The following PRH1 variants were observed in gnomAD, a reference collection of about 807,000 sequenced individuals.
PRH1 encodes the protein proline rich protein HaeIII subfamily 1.
In PRH1, 7 loss-of-function variants were observed where a neutral mutation model predicts 7.9. The observed-to-expected ratio is 0.89, with a 90% CI of 0.50 to 1.67. PRH1 has a LOEUF of 1.67. Among genes scored for constraint, PRH1 ranks in the 40% most tolerant of loss-of-function variants. The pLI is 0.00. For missense variants in PRH1, 109 were observed against 223.6 expected (o/e 0.49, Z 3.27); for synonymous variants, 45 against 80.8 (o/e 0.56, Z 2.38).
chr12:11,081,146 C>T (rs77386116), intron 1 of PRH1, among the ~76,000 whole-genome samples: 1 of 99,078 alleles, frequency 1.0e-5, no homozygotes, highest in Admixed American at 1.0e-4. Context: ...TGACTGTAGC[C>T]TCAATGTGTT....
intron 2 of PRH1, among the ~76,000 whole-genome samples, chr12:10,929,788 T>C (rs781681411): frequency 2.0e-5 from 3 of 152,176 alleles, no homozygotes; most frequent in African/African-American, 7.2e-5. Context: ...TCTGTCTACA[T>C]AGAGTTAGAG....
chr12:11,105,810 C>T (rs896991056), intron 1 of PRH1, among the ~76,000 whole-genome samples: 3 of 152,046 alleles, frequency 2.0e-5, no homozygotes, highest in Non-Finnish European at 2.9e-5. Context: ...AATTTTTCAA[C>T]GTGAGTAATA....
intron 1 of PRH1, among the ~76,000 whole-genome samples, chr12:11,101,249 A>G (rs2136282954): frequency 6.6e-6 from 1 of 152,292 alleles, no homozygotes; most frequent in South Asian, 2.1e-4. Flanking sequence ...ATCATTTGGG[A>G]GGCTGAGGCA....
intron 1 of PRH1, among the ~76,000 whole-genome samples, chr12:11,149,054 ATT>A (rs1370552543): frequency 6.6e-6 from 1 of 150,728 alleles, no homozygotes; most frequent in Non-Finnish European, 1.5e-5. Context: ...TTTCTTCTAG[ATT>A]TTCTAGTTTA....
In PRH1 at chr12:11,093,126, C is replaced by G. The variant is rs1438171353; in HGVS notation, n.124-45938G>C. 1.7e-5 allele frequency among the ~76,000 whole-genome samples: 2 copies of G among 116,112 alleles called. 1 individual carries two copies. Among genetic ancestry groups the G allele is most frequent in the Non-Finnish European group, 4.1e-5 (2 of 49,160 alleles). 76.2% of individuals were successfully genotyped at this position (116,112 alleles called of 152,430 possible). ...CTCCATCATTTATCTTTAGTGACTT[C>G]AGTTGTTAGGGAAGTTTTGTAACTT... is the stretch of plus-strand genomic sequence containing the variant. On this transcript the variant is annotated intron_variant and non_coding_transcript_variant, in intron 1 of 4. Coordinates refer to the PRH1 transcript ENST00000541977.
rs556698751 is a variant in PRH1 at position 11,039,763 on chromosome 12, G to A, written c.-126+7257C>T. On this transcript the variant is annotated intron_variant, in intron 1 of 3. Transcript: ENST00000539853. ...AGGCCAATAATCCTTAAATCCTGGT[G>A]GCTACTAATACTTTTGTATAACTTA... 2.0e-5 allele frequency among the ~76,000 whole-genome samples: 3 copies of A among 152,302 alleles called. No individual in the cohort carries two copies. In the East Asian group the frequency reaches 5.8e-4, roughly 29 times the overall value.
At chr12:11,051,629 A>G (rs1184136667), upstream of PRH1, among the ~76,000 whole-genome samples, 1 of 152,188 alleles carries the variant, frequency 6.6e-6, no homozygotes, top group Non-Finnish European at 1.5e-5. Context: ...AACGTCCATA[A>G]TTTATGATGA....
intron 2 of PRH1, among the ~76,000 whole-genome samples, chr12:10,952,177 G>A (rs116206007): frequency 0.02 from 3,006 of 152,266 alleles, 33 homozygotes; most frequent in African/African-American, 0.031. Context: ...GATACAGAGA[G>A]GTTACCTGTG....
At chr12:10,904,837 CAAAT>C (rs979768043) in intron 2 of PRH1, among the ~76,000 whole-genome samples, 40 of 151,952 alleles carry the variant, frequency 2.6e-4, no homozygotes, top group African/African-American at 6.8e-4. Flanking sequence ...AAGCAGAAAA[CAAAT>C]AACCCCTTTA....
chr12:10,982,942 A>G (rs1420300820), intron 1 of PRH1, among the ~76,000 whole-genome samples: 1 of 152,162 alleles, frequency 6.6e-6, no homozygotes, highest in East Asian at 1.9e-4. Context: ...TTCAACATAT[A>G]CCACATTTAA....
intron 2 of PRH1, among the ~76,000 whole-genome samples, chr12:10,968,083 A>C (rs1350270024): frequency 6.6e-6 from 1 of 150,642 alleles, no homozygotes; most frequent in Non-Finnish European, 1.5e-5. Flanking sequence ...TCCGTCTCAA[A>C]AGAAAAATAA....
intron 1 of PRH1, among the ~76,000 whole-genome samples, chr12:11,000,145 T>C (rs1220537608): frequency 6.6e-6 from 1 of 152,150 alleles, no homozygotes; most frequent in African/African-American, 2.4e-5. Context: ...TCTAAATTTG[T>C]TCCTGTCACC....
At position 11,081,033 on chromosome 12, in the gene PRH1, G is replaced by C. The variant is rs1301736448; in HGVS notation, n.124-33845C>G. Among the ~76,000 whole-genome samples, 2 of 118,180 alleles carry C rather than the reference G, an allele frequency of 1.7e-5. 1 individual carries two copies. Among genetic ancestry groups the C allele is most frequent in the Non-Finnish European group, 4.0e-5 (2 of 49,548 alleles). The allele number at this position is 118,180 out of a possible 152,430, so 77.5% of individuals were successfully genotyped here. On this transcript the variant is annotated intron_variant and non_coding_transcript_variant, in intron 1 of 4. Coordinates refer to the PRH1 transcript ENST00000541977. ...AAGTTTGAGATTACAAAAAATACAT[G>C]GAGGCATACATTTTATCACTTTTGG...
chr12:11,021,991 CATATT>C (rs1208117342), intron 1 of PRH1: 4 of 1,580,806 alleles, frequency 2.5e-6, no homozygotes, highest in Non-Finnish European at 3.4e-6. Context: ...CAGCAGAAAA[CATATT>C]AGGCTCAGAG....
intron 2 of PRH1, among the ~76,000 whole-genome samples, chr12:10,920,653 T>G (rs1430512571): frequency 6.6e-6 from 1 of 152,140 alleles, no homozygotes; most frequent in Non-Finnish European, 1.5e-5. Flanking sequence ...AAAGTTTTCC[T>G]GTTGATTTTT....
intron 1 of PRH1, among the ~76,000 whole-genome samples, chr12:11,149,250 T>C (rs946771801): frequency 2.0e-5 from 3 of 152,236 alleles, no homozygotes; most frequent in Non-Finnish European, 4.4e-5. Context: ...CCTGGATTCA[T>C]TAATTTTTTG....
Position 10,882,750 on chromosome 12 carries a change from T to C in PRH1, c.101-52A>G, listed in dbSNP as rs1949426486. On this transcript the variant is annotated intron_variant, in intron 2 of 3. Transcript: ENST00000543626. ...GAGCTCATGCTGGAAAACCCTCCTGTCTTCATACCTCTCTGTCTTCACCAC... is the reference window on the plus strand; with the variant it reads ...GAGCTCATGCTGGAAAACCCTCCTGCCTTCATACCTCTCTGTCTTCACCAC... 6 of 1,598,178 alleles carry C rather than the reference T, an allele frequency of 3.8e-6. No homozygotes were observed. The African/African-American group carries it at 8.0e-5, about 21-fold the overall frequency.
intron 1 of PRH1, among the ~76,000 whole-genome samples, chr12:11,135,882 G>A (rs1177357261): frequency 1.3e-5 from 2 of 152,020 alleles, no homozygotes; most frequent in Admixed American, 1.3e-4. Flanking sequence ...TATATAATGA[G>A]ACGAGTAATA....
chr12:11,052,792 A>G (rs532355884), intron 1 of PRH1, among the ~76,000 whole-genome samples: 8 of 151,968 alleles, frequency 5.3e-5, no homozygotes, highest in Non-Finnish European at 1.2e-4. Context: ...CTGATATTTC[A>G]TTTTTTTAGT....
Sources: allele counts gnomAD v4.1 joint callset (sites outside exome capture counted in the v4.1 genomes callset), GRCh38; gene constraint gnomAD v4.1.1; transcripts MANE v1.5; gene names NCBI Gene and HGNC (gene_info 2026-07-23, HGNC 2026-07-21).